DEK: variants seen among roughly 807,000 people sequenced by gnomAD.
DEK encodes protein DEK.
In DEK, 28 loss-of-function variants were observed where a neutral mutation model predicts 46.8. The observed-to-expected ratio is 0.60, with a 90% CI of 0.44 to 0.82. The LOEUF (loss-of-function observed/expected upper bound fraction) is 0.82. Ranked by LOEUF, DEK falls within the 40% of genes least tolerant of loss-of-function variation. The pLI is 0.00. For synonymous variants in DEK, 160 were observed against 144.5 expected, an observed-to-expected ratio of 1.11 and a Z score of -0.77; for missense variants, 416 against 430.6, an observed-to-expected ratio of 0.97 and a Z score of 0.30.
At position 18,256,411 on chromosome 6, in the gene DEK, T is replaced by C. The variant is rs1791599196; in HGVS notation, c.402A>G (p.Pro134=). 9 of 1,613,624 alleles carry C rather than the reference T, an allele frequency of 5.6e-6. No homozygotes were observed. Among genetic ancestry groups the C allele is most frequent in the East Asian group, 4.5e-5 (2 of 44,784 alleles). The change falls in exon 5 of 11, where the codon CCA becomes CCG. Residue 134 remains proline, a synonymous_variant. Coordinates refer to ENST00000652689, the MANE Select transcript of DEK (RefSeq NM_003472.4). ...TATATTGGACACTTCCTTTTTCAAA[T>C]GGAAAGCCACTGAACTGACCCACAT... ...KKNVGQFSGF[P]FEKGSVQYKK...
chr6:18,249,750 T>C lies in DEK; in HGVS notation c.663A>G (p.Lys221=), dbSNP rs760192042. 3.0e-5 allele frequency: 49 copies of C among 1,613,962 alleles called. No individual in the cohort carries two copies. The highest frequency in any genetic ancestry group is 4.0e-5 in the African/African-American group (3 of 74,942). Residue 221 remains lysine, a synonymous_variant, in exon 7 of 11, where the codon AAA becomes AAG. Transcript: ENST00000652689. ...ATTCATCTGACAGAATTTCAGGACA[T>C]TTGGTTCGCTTAGCCTTCCTTGCCA... is the stretch of plus-strand genomic sequence containing the variant. ...SGMARKAKRT[K]CPEILSDESS...
chr6:18,227,292 C>T (rs1790182546), intron 9 of DEK, among the ~76,000 whole-genome samples: 1 of 152,106 alleles, frequency 6.6e-6, no homozygotes, highest in South Asian at 2.1e-4. Context: ...ATTGTACGTT[C>T]CATCTACTGA....
intron 9 of DEK, among the ~76,000 whole-genome samples, chr6:18,233,559 A>C (rs894535513): frequency 2.6e-5 from 4 of 152,246 alleles, no homozygotes; most frequent in Admixed American, 2.6e-4. Context: ...ACACTTCTCA[A>C]AAGAAGACAT....
Position 18,263,976 on chromosome 6 carries a change from C to T in DEK, c.12G>A (p.Ser4=). 6.2e-7 allele frequency: 1 copy of T among 1,610,696 alleles called. No homozygotes were observed. The highest frequency in any genetic ancestry group is 8.5e-7 in the Non-Finnish European group (1 of 1,178,788). The change falls in exon 2 of 11, where the codon TCG becomes TCA. Residue 4 remains serine, a synonymous_variant. Transcript: ENST00000652689. ...TTCCCTCCCCCTCCGCAGCAGGGGC[C>T]GAGGCGGACATGCTGTGAACCTGCA... MSA[S]APAAEGEGTP...
intron 9 of DEK, among the ~76,000 whole-genome samples, chr6:18,230,555 CA>C (rs980932383): frequency 6.6e-6 from 1 of 151,162 alleles, no homozygotes; most frequent in Admixed American, 6.6e-5. Context: ...AAATGGAAAA[CA>C]AAAAAAACAG....
Position 18,263,930 on chromosome 6 carries a change from C to T in DEK, c.58G>A (p.Glu20Lys). 1 of 1,613,398 alleles carries T rather than the reference C, an allele frequency of 6.2e-7. No individual in the cohort carries two copies. The highest frequency in any genetic ancestry group is 8.5e-7 in the Non-Finnish European group (1 of 1,179,670). Reference sequence around the variant, plus strand: ...GGACCGGGCATTTCGGGTTCTTTCTCGGACGCGGGCTGGGTGGGGGTTCCC... The same window carrying T: ...GGACCGGGCATTTCGGGTTCTTTCTTGGACGCGGGCTGGGTGGGGGTTCCC... ...GEGTPTQPAS[E>K]KEPEMPGPRE... is the part of the protein sequence containing the mutation. The change falls in exon 2 of 11, where the codon GAG (glutamate) becomes AAG (lysine). Residue 20 changes from glutamate (E) to lysine (K), a missense_variant. Glu to Lys is a moderately conservative substitution (Grantham distance 56, BLOSUM62 1). Coordinates refer to ENST00000652689, the MANE Select transcript of DEK (RefSeq NM_003472.4).
At chr6:18,230,780 G>T (rs214497) in intron 9 of DEK, among the ~76,000 whole-genome samples, 43,934 of 151,996 alleles carry the variant, frequency 0.29, 7,172 homozygotes, top group African/African-American at 0.43. Context: ...ATAATAATGG[G>T]AGACTTTAAC....
chr6:18,237,483 T>TAG lies in DEK; in HGVS notation c.794_795dup (p.Lys266LeufsTer13), dbSNP rs779144294. 1 of 1,606,500 alleles carries TAG rather than the reference T, an allele frequency of 6.2e-7. No individual in the cohort carries two copies. Reference sequence around the variant, plus strand: ...TTACTTTTAGAAGTAGCTTTCTGTTTAGGTTTTTCTCTTTTGGCTGTCTTT... The same window carrying TAG: ...TTACTTTTAGAAGTAGCTTTCTGTTTAGAGGTTTTTCTCTTTTGGCTGTCTTT... On this transcript the variant is annotated frameshift_variant, in exon 8 of 11. Transcript: ENST00000652689. LOFTEE classifies it high-confidence loss of function.
At chr6:18,259,312 ATGAACCCAGGAGGCGGAGCTTGCAG>A (rs1306307173) in intron 2 of DEK, among the ~76,000 whole-genome samples, 13 of 145,336 alleles carry the variant, frequency 8.9e-5, no homozygotes, top group African/African-American at 3.0e-4. Context: ...GGAGAAAGGC[ATGAACCCAGGAGGCGGAGCTTGCAG>A]TGAGCCGAGA....
intron 7 of DEK, among the ~76,000 whole-genome samples, chr6:18,245,116 A>G (rs2151086195): frequency 6.6e-6 from 1 of 152,370 alleles, no homozygotes; most frequent in Non-Finnish European, 1.5e-5. Context: ...GTGCTGGCTG[A>G]TGCCATGTAT....
chr6:18,255,858 C>G lies in DEK; in HGVS notation c.453-7G>C, dbSNP rs779319202. 9 of 1,595,228 alleles carry G rather than the reference C, an allele frequency of 5.6e-6. No homozygotes were observed. The East Asian group carries it at 2.0e-4, about 36-fold the overall frequency. On this transcript the variant is annotated splice_region_variant and splice_polypyrimidine_tract_variant and intron_variant, in intron 5 of 10. Coordinates refer to ENST00000652689, the MANE Select transcript of DEK (RefSeq NM_003472.4). ...TAACATGGCATTTCTAAATCTGAAA[C>G]AGAAAATGGAAGAAACCAAGGTGTT...
chr6:18,262,997 T>C (rs1327422069), intron 2 of DEK, among the ~76,000 whole-genome samples: 3 of 152,040 alleles, frequency 2.0e-5, no homozygotes, highest in African/African-American at 7.2e-5. Context: ...GTCGTAAACA[T>C]ATACGAAATA....
chr6:18,242,312 C>T (rs1302285162), intron 7 of DEK, among the ~76,000 whole-genome samples: 8 of 152,162 alleles, frequency 5.3e-5, no homozygotes, highest in Admixed American at 3.3e-4. Flanking sequence ...CAGTGAGTAT[C>T]GATCGTGCCA....
chr6:18,255,036 C>T (rs959068595), intron 6 of DEK, among the ~76,000 whole-genome samples: 2 of 152,186 alleles, frequency 1.3e-5, no homozygotes, highest in Admixed American at 6.5e-5. Flanking sequence ...CACTTCCTTT[C>T]CTGTCAAGAT....
At chr6:18,256,778 T>C (rs1791615131) in intron 4 of DEK, among the ~76,000 whole-genome samples, 1 of 152,216 alleles carries the variant, frequency 6.6e-6, no homozygotes, top group African/African-American at 2.4e-5. Flanking sequence ...ATGTGGAAAG[T>C]TACTATTTAA....
Position 18,256,403 on chromosome 6 carries a change from T to G in DEK, c.410A>C (p.Lys137Thr), listed in dbSNP as rs1483672383. Reference protein sequence around the residue: ...VGQFSGFPFEKGSVQYKKKEE... With the variant: ...VGQFSGFPFETGSVQYKKKEE... ...CTTCTTTTTATATTGGACACTTCCT[T>G]TTTCAAATGGAAAGCCACTGAACTG... Residue 137 changes from lysine to threonine, a missense_variant, in exon 5 of 11, where the codon AAA (lysine) becomes ACA (threonine). Transcript: ENST00000652689. 5.0e-6 allele frequency: 8 copies of G among 1,613,672 alleles called. No individual in the cohort carries two copies. The highest frequency in any genetic ancestry group is 6.8e-6 in the Non-Finnish European group (8 of 1,179,814).
chr6:18,251,288 G>A (rs1297674518), intron 6 of DEK, among the ~76,000 whole-genome samples: 1 of 152,122 alleles, frequency 6.6e-6, no homozygotes, highest in Non-Finnish European at 1.5e-5. Context: ...GTATCCAATT[G>A]TGTAAATGTT....
intron 2 of DEK, among the ~76,000 whole-genome samples, chr6:18,261,153 T>G (rs1211351237): frequency 1.3e-5 from 2 of 152,076 alleles, no homozygotes; most frequent in African/African-American, 4.8e-5. Context: ...CACAAGCAGC[T>G]TGCATCCTGA....
At chr6:18,235,747 T>C (rs1790620251) in intron 9 of DEK, among the ~76,000 whole-genome samples, 1 of 152,152 alleles carries the variant, frequency 6.6e-6, no homozygotes, top group South Asian at 2.1e-4. Context: ...CCTCAGCCTA[T>C]CAAAGTGTTG....
Sources: gnomAD v4.1 joint callset for allele counts (sites outside exome capture counted in the v4.1 genomes callset) on GRCh38, gnomAD v4.1.1 for gene constraint, MANE v1.5 for transcripts, NCBI Gene and HGNC (gene_info 2026-07-23, HGNC 2026-07-21) for gene names.